SUMF1: variants seen among roughly 807,000 people sequenced by gnomAD.
SUMF1 encodes sulfatase modifying factor 1.
Under a neutral mutation model 47.6 loss-of-function variants are expected in SUMF1, and 48 were observed. The observed-to-expected ratio is 1.01, with a 90% CI of 0.80 to 1.28. The LOEUF (loss-of-function observed/expected upper bound fraction) is 1.28, where lower values mean the gene tolerates loss of function less well. SUMF1 is among the 50% of genes most tolerant of loss of function. SUMF1 has a pLI of 0.00. For missense variants in SUMF1, 571 were observed against 485.4 expected, an observed-to-expected ratio of 1.18 and a Z score of -1.66; for synonymous variants, 230 against 192.1, an observed-to-expected ratio of 1.20 and a Z score of -1.63.
At chr3:4,454,319 A>C (rs1703080028) in intron 1 of SUMF1, among the ~76,000 whole-genome samples, 1 of 152,248 alleles carries the variant, frequency 6.6e-6, no homozygotes, top group South Asian at 2.1e-4. Context: ...TTTCAGTTAA[A>C]AAATGCAGGT....
At position 4,243,786 on chromosome 3, in the gene SUMF1, C is replaced by G. The variant is rs576657118; in HGVS notation, c.1014+132544G>C. On this transcript the variant is annotated intron_variant and NMD_transcript_variant, in intron 8 of 12. Coordinates refer to the SUMF1 transcript ENST00000448413. ...TGAAGATATCTAAGGTTCGCATGAT[C>G]CAGAGCTGAGTTCAAGTCCTGGGTA... is the stretch of plus-strand genomic sequence containing the variant. Among the ~76,000 whole-genome samples the G allele has an allele frequency of 5.3e-5, 8 of 152,208 alleles. No individual in the cohort carries two copies. The East Asian group carries it at 1.5e-3, about 29-fold the overall frequency.
chr3:4,035,563 T>TAA (rs1156952044), intron 9 of SUMF1, among the ~76,000 whole-genome samples: 5 of 152,210 alleles, frequency 3.3e-5, no homozygotes, highest in African/African-American at 9.6e-5. Context: ...AATAAAAGCA[T>TAA]ATTCACAGAA....
chr3:4,246,834 G>A (rs1489087139), intron 8 of SUMF1, among the ~76,000 whole-genome samples: 1 of 152,026 alleles, frequency 6.6e-6, no homozygotes, highest in African/African-American at 2.4e-5. Flanking sequence ...ATGAGAATAA[G>A]GGCAAATACA....
chr3:4,438,321 A>T (rs1480743771), intron 3 of SUMF1, among the ~76,000 whole-genome samples: 1 of 152,118 alleles, frequency 6.6e-6, no homozygotes, highest in Non-Finnish European at 1.5e-5. Context: ...CTAAACTCTA[A>T]TGAGGCTCCT....
rs999462748 is a variant in SUMF1, at chr3:4,234,469, G to A, written c.1014+141861C>T. On this transcript the variant is annotated intron_variant and NMD_transcript_variant, in intron 8 of 12. Transcript: ENST00000448413. ...AATGCTAACTCCCTATGTAGATGCT[G>A]GATGGTATCTTTTCGTTTCTCCTGC... Among the ~76,000 whole-genome samples the A allele has an allele frequency of 5.3e-5, 8 of 152,108 alleles. No individual in the cohort carries two copies. In the South Asian group the frequency reaches 1.2e-3, roughly 24 times the overall value.
intron 8 of SUMF1, among the ~76,000 whole-genome samples, chr3:4,145,316 C>G (rs999319385): frequency 6.6e-6 from 1 of 151,898 alleles, no homozygotes; most frequent in African/African-American, 2.4e-5. Flanking sequence ...ACTTGGGTAC[C>G]CAGTAAATAT....
intron 8 of SUMF1, among the ~76,000 whole-genome samples, chr3:4,341,377 T>C (rs1699269368): frequency 6.6e-6 from 1 of 152,098 alleles, no homozygotes; most frequent in Admixed American, 6.6e-5. Flanking sequence ...ACTAAGGGCA[T>C]TTTGGTTTTT....
chr3:4,356,242 G>C (rs1699614536), downstream of SUMF1, among the ~76,000 whole-genome samples: 1 of 152,156 alleles, frequency 6.6e-6, no homozygotes, highest in African/African-American at 2.4e-5. Flanking sequence ...AGGGTGGTTT[G>C]TATCCAGAGA....
chr3:4,165,910 G>A (rs1255258403), intron 8 of SUMF1, among the ~76,000 whole-genome samples: 1 of 143,318 alleles, frequency 7.0e-6, no homozygotes, highest in African/African-American at 2.6e-5. Context: ...GGACCCTGCT[G>A]ATCAGAATAG....
intron 8 of SUMF1, among the ~76,000 whole-genome samples, chr3:4,163,039 A>T (rs1197835233): frequency 6.6e-6 from 1 of 152,058 alleles, no homozygotes; most frequent in Non-Finnish European, 1.5e-5. Context: ...GCCCAACTGA[A>T]GGAAGAAAAA....
At chr3:4,342,123 C>G (rs1451627436) in intron 8 of SUMF1, among the ~76,000 whole-genome samples, 1 of 152,186 alleles carries the variant, frequency 6.6e-6, no homozygotes, top group Non-Finnish European at 1.5e-5. Flanking sequence ...GTCTTCAATT[C>G]CAACAAATGT....
intron 3 of SUMF1, among the ~76,000 whole-genome samples, chr3:4,441,886 A>G (rs1480990616): frequency 6.6e-6 from 1 of 152,214 alleles, no homozygotes; most frequent in Non-Finnish European, 1.5e-5. Flanking sequence ...GTATAAAACC[A>G]GACAGAACAA....
At chr3:4,422,026 G>T (rs1701916065) in intron 3 of SUMF1, among the ~76,000 whole-genome samples, 1 of 152,252 alleles carries the variant, frequency 6.6e-6, no homozygotes, top group Admixed American at 6.5e-5. Context: ...ACAATTTGAT[G>T]GGAAAACCCA....
intron 7 of SUMF1, among the ~76,000 whole-genome samples, chr3:4,387,511 T>C (rs1432288635): frequency 6.6e-6 from 1 of 152,058 alleles, no homozygotes; most frequent in Admixed American, 6.5e-5. Flanking sequence ...TAGAGGTTTG[T>C]CAATTTTATA....
intron 8 of SUMF1, among the ~76,000 whole-genome samples, chr3:4,175,343 T>A (rs1244860995): frequency 1.3e-5 from 2 of 152,088 alleles, no homozygotes; most frequent in Non-Finnish European, 1.5e-5. Context: ...AGAGGAAGGA[T>A]CAGGCAGCAA....
chr3:4,339,984 A>T (rs62259854), intron 8 of SUMF1, among the ~76,000 whole-genome samples: 28,631 of 151,898 alleles, frequency 0.19, 2,870 homozygotes, highest in African/African-American at 0.25. Context: ...GGCTGAGACC[A>T]GGAGGATCAC....
intron 8 of SUMF1, among the ~76,000 whole-genome samples, chr3:4,339,969 C>T (rs780844692): frequency 6.6e-6 from 1 of 151,990 alleles, no homozygotes; most frequent in Non-Finnish European, 1.5e-5. Flanking sequence ...CCCAGCCACT[C>T]GGGAGGCTGA....
At chr3:4,219,045 T>A (rs1559579803) in intron 8 of SUMF1, among the ~76,000 whole-genome samples, 1 of 152,076 alleles carries the variant, frequency 6.6e-6, no homozygotes, top group Non-Finnish European at 1.5e-5. Context: ...CTTTTTTCTT[T>A]CCTCCCGCAA....
At chr3:4,456,079 T>C (rs1367046819) in intron 1 of SUMF1, among the ~76,000 whole-genome samples, 1 of 152,148 alleles carries the variant, frequency 6.6e-6, no homozygotes, top group Non-Finnish European at 1.5e-5. Context: ...ATATGCAAAC[T>C]ACAAATGTGA....
Sources: allele counts gnomAD v4.1 joint callset (sites outside exome capture counted in the v4.1 genomes callset), GRCh38; gene constraint gnomAD v4.1.1; transcripts MANE v1.5; gene names NCBI Gene and HGNC (gene_info 2026-07-23, HGNC 2026-07-21).